The following B3GLCT variants were observed in gnomAD, a reference collection of about 807,000 sequenced individuals.
The protein encoded by B3GLCT is beta-1,3-glucosyltransferase.
Under a neutral mutation model 63.4 loss-of-function variants are expected in B3GLCT, and 65 were observed. That is an observed-to-expected ratio of 1.03 (90% CI 0.84 to 1.26). The LOEUF is 1.26. Among genes scored for constraint, B3GLCT ranks in the 50% most tolerant of loss-of-function variants. The probability of loss-of-function intolerance (pLI) is 0.00; values close to 1 mark genes in which losing one functional copy is unlikely to be tolerated. For synonymous variants in B3GLCT, 233 were observed against 219.2 expected, an observed-to-expected ratio of 1.06 and a Z score of -0.55; for missense variants, 577 against 604.8, an observed-to-expected ratio of 0.95 and a Z score of 0.48.
At chr13:31,203,710 T>C (rs1371796647) in intron 1 of B3GLCT, among the ~76,000 whole-genome samples, 4 of 152,228 alleles carry the variant, frequency 2.6e-5, no homozygotes, top group Non-Finnish European at 5.9e-5. Context: ...ACAGATTACT[T>C]CTTAAGAACA....
intron 9 of B3GLCT, 42 bp from the exon 10 acceptor site, chr13:31,276,660 C>T (rs1566076891): frequency 7.5e-7 from 1 of 1,327,430 alleles, no homozygotes; most frequent in Admixed American, 1.7e-5. Flanking sequence ...GAAGTTAACG[C>T]TGACTCACAT....
At chr13:31,213,035 T>TGC (rs1295283312) in intron 1 of B3GLCT, among the ~76,000 whole-genome samples, 2 of 150,396 alleles carry the variant, frequency 1.3e-5, no homozygotes, top group Non-Finnish European at 2.9e-5. Context: ...TGTGTGTGTG[T>TGC]GCACGCGTGC....
chr13:31,293,579 C>T (rs1180029859), intron 12 of B3GLCT, among the ~76,000 whole-genome samples: 1 of 152,020 alleles, frequency 6.6e-6, no homozygotes, highest in African/African-American at 2.4e-5. Flanking sequence ...CTTTTTTGAT[C>T]TTTGTTGGTT....
chr13:31,290,572 G>T (rs1419699505), intron 12 of B3GLCT, among the ~76,000 whole-genome samples: 1 of 152,152 alleles, frequency 6.6e-6, no homozygotes, highest in Non-Finnish European at 1.5e-5. Context: ...GCGTGAGATG[G>T]TATCTCATTG....
At chr13:31,240,626 CTG>C (rs1454491983) in intron 4 of B3GLCT, among the ~76,000 whole-genome samples, 1 of 151,958 alleles carries the variant, frequency 6.6e-6, no homozygotes, top group African/African-American at 2.4e-5. Context: ...CACAGGGAGA[CTG>C]TGAGTTACTT....
intron 3 of B3GLCT, among the ~76,000 whole-genome samples, chr13:31,227,187 T>TG (rs1238627766): frequency 6.6e-6 from 1 of 152,208 alleles, no homozygotes; most frequent in African/African-American, 2.4e-5. Flanking sequence ...ATATTTTTGT[T>TG]GCTTCCCATT....
At chr13:31,289,087 T>C (rs904587370) in intron 12 of B3GLCT, among the ~76,000 whole-genome samples, 8 of 151,980 alleles carry the variant, frequency 5.3e-5, no homozygotes, top group African/African-American at 1.4e-4. Context: ...TGAAAATTCA[T>C]TGAAGGAAAT....
intron 7 of B3GLCT, among the ~76,000 whole-genome samples, chr13:31,263,106 C>A (rs567521849): frequency 6.6e-6 from 1 of 152,144 alleles, no homozygotes; most frequent in Non-Finnish European, 1.5e-5. Flanking sequence ...GGGGTGTAAT[C>A]ATTTCCTTGA....
intron 1 of B3GLCT, among the ~76,000 whole-genome samples, chr13:31,213,663 C>T (rs1437196358): frequency 7.6e-6 from 1 of 131,406 alleles, no homozygotes; most frequent in African/African-American, 2.8e-5. Context: ...GTATTCCTGC[C>T]CTTGTGGAGC....
In B3GLCT at chr13:31,199,988, C is replaced by G; in HGVS notation, c.-97C>G. On this transcript the variant is annotated 5_prime_UTR_variant, in exon 1 of 15. Coordinates refer to ENST00000343307, the MANE Select transcript of B3GLCT (RefSeq NM_194318.4). Reference sequence around the variant, plus strand: ...AGGGGAGCCGGCAGAGAAGGGTCAGCCGCGGCGGCAGGGCGGCGGCGGCAG... The same window carrying G: ...AGGGGAGCCGGCAGAGAAGGGTCAGGCGCGGCGGCAGGGCGGCGGCGGCAG... 2.8e-6 allele frequency: 2 copies of G among 703,550 alleles called. No homozygotes were observed. The highest frequency in any genetic ancestry group is 3.8e-6 in the Non-Finnish European group (2 of 527,776). The allele number at this position is 703,550 out of a possible 1,614,324, so 43.6% of individuals were successfully genotyped here. A position where few individuals can be genotyped will look rare whatever the true frequency, so the allele number is the denominator to read the frequency against.
intron 6 of B3GLCT, among the ~76,000 whole-genome samples, chr13:31,259,682 C>T (rs1007063894): frequency 2.6e-5 from 4 of 151,844 alleles, no homozygotes; most frequent in Admixed American, 6.6e-5. Flanking sequence ...GCTGCAAGAG[C>T]CCCCAGCTGC....
At chr13:31,268,798 C>T (rs908080138) in intron 7 of B3GLCT, among the ~76,000 whole-genome samples, 5 of 152,146 alleles carry the variant, frequency 3.3e-5, no homozygotes, top group Non-Finnish European at 7.3e-5. Flanking sequence ...CATGCTTTTC[C>T]CCCATAAAAC....
chr13:31,254,624 C>G (rs1318960019), intron 6 of B3GLCT, among the ~76,000 whole-genome samples: 1 of 152,164 alleles, frequency 6.6e-6, no homozygotes, highest in Non-Finnish European at 1.5e-5. Flanking sequence ...CTCTTCCTCA[C>G]CACTCTTATT....
intron 2 of B3GLCT, among the ~76,000 whole-genome samples, chr13:31,219,901 A>C (rs1432515988): frequency 6.6e-6 from 1 of 152,186 alleles, no homozygotes; most frequent in East Asian, 1.9e-4. Flanking sequence ...GATAATGATG[A>C]AAAAAGGGTA....
chr13:31,293,594 G>T (rs1873789069), intron 12 of B3GLCT, among the ~76,000 whole-genome samples: 1 of 152,062 alleles, frequency 6.6e-6, no homozygotes, highest in African/African-American at 2.4e-5. Flanking sequence ...TTGGTTTAAA[G>T]ATCTGTTTTA....
chr13:31,278,297 T>G (rs1170222272), intron 10 of B3GLCT, among the ~76,000 whole-genome samples: 1 of 152,222 alleles, frequency 6.6e-6, no homozygotes, highest in Non-Finnish European at 1.5e-5. Context: ...TTAATTTTGA[T>G]TTAGTAATTT....
At position 31,323,640 on chromosome 13, in the gene B3GLCT, C is replaced by T. The variant is rs936732661; in HGVS notation, c.1185-111C>T. 4.0e-6 allele frequency: 5 copies of T among 1,243,922 alleles called. No individual in the cohort carries two copies. The Admixed American group carries it at 5.1e-5, about 13-fold the overall frequency. 77.1% of individuals were successfully genotyped at this position (1,243,922 alleles called of 1,614,324 possible). ...AGAGCTCAGTAACTAGAGAAAGCTA[C>T]TATTGCCTCTCAGTCTGCAGGAGTA... On this transcript the variant is annotated intron_variant, in intron 13 of 14. Coordinates refer to ENST00000343307, the MANE Select transcript of B3GLCT (RefSeq NM_194318.4).
At chr13:31,289,830 TA>T (rs1873554052) in intron 12 of B3GLCT, among the ~76,000 whole-genome samples, 1 of 152,162 alleles carries the variant, frequency 6.6e-6, no homozygotes, top group African/African-American at 2.4e-5. Context: ...GGATTTTTTT[TA>T]TTGTTTTATC....
At chr13:31,283,747 T>A (rs138142075) in intron 10 of B3GLCT, among the ~76,000 whole-genome samples, 2 of 152,276 alleles carry the variant, frequency 1.3e-5, no homozygotes, top group Admixed American at 6.5e-5. Context: ...TTTGTATATA[T>A]TTCTATTAGA....
Sources: allele counts gnomAD v4.1 joint callset (sites outside exome capture counted in the v4.1 genomes callset), GRCh38; gene constraint gnomAD v4.1.1; transcripts MANE v1.5; gene names NCBI Gene and HGNC (gene_info 2026-07-23, HGNC 2026-07-21).